Variants in UBE3A observed in about 807,000 individuals in gnomAD.
UBE3A encodes ubiquitin protein ligase E3A, also known as ubiquitin-protein ligase E3A.
A neutral mutation model predicts 83.4 loss-of-function variants in UBE3A; 6 were observed. That is an observed-to-expected ratio of 0.07 (90% confidence interval 0.04 to 0.14). The LOEUF is 0.14. Among genes scored for constraint, UBE3A ranks in the 10% least tolerant of loss-of-function variants. UBE3A has a pLI of 1.00. For synonymous variants in UBE3A, 337 were observed against 355.4 expected (o/e 0.95, Z 0.58); for missense variants, 456 against 1,036.1 (o/e 0.44, Z 7.69).
At chr15:25,347,138 G>T (rs2075809997) in intron 11 of UBE3A, 3 of 152,070 alleles carry the variant, frequency 2.0e-5, no homozygotes, top group Admixed American at 1.3e-4. Flanking sequence ...ATGGAATCTT[G>T]GAAAAAATAA....
At position 25,409,083 on chromosome 15, in the gene UBE3A, A is replaced by G. The variant is rs1473950589; in HGVS notation, c.20+5T>C. ...TTTAAAGGCTGTAAAATAATTCAAA[A>G]TTACCTTTTACAAGCTGTGGCCATT... is the stretch of plus-strand genomic sequence containing the variant. On this transcript the variant is annotated splice_donor_5th_base_variant and intron_variant, in intron 3 of 12. Transcript: ENST00000648336. 6.3e-7 allele frequency: 1 copy of G among 1,587,908 alleles called. No individual in the cohort carries two copies. The highest frequency in any genetic ancestry group is 1.7e-5 in the Admixed American group (1 of 57,362).
intron 6 of UBE3A, among the ~76,000 whole-genome samples, chr15:25,362,289 A>C (rs1352771141): frequency 1.3e-5 from 2 of 152,172 alleles, no homozygotes; most frequent in African/African-American, 2.4e-5. Flanking sequence ...TTGTTGTTCA[A>C]CACCGATCTC....
intron 8 of UBE3A, 152 bp downstream of exon 8, chr15:25,356,539 T>TTGG: frequency 2.6e-6 from 2 of 765,720 alleles, no homozygotes; most frequent in Middle Eastern, 3.9e-4. Context: ...TAAGTGTTTC[T>TTGG]GGTACTTCGG....
intron 1 of UBE3A, among the ~76,000 whole-genome samples, chr15:25,422,769 GT>G (rs1161494599): frequency 7.0e-6 from 1 of 142,516 alleles, no homozygotes; most frequent in Non-Finnish European, 1.5e-5. Context: ...GAGGCCAGAA[GT>G]TTGAGACCAG....
intron 11 of UBE3A, among the ~76,000 whole-genome samples, chr15:25,350,246 A>G (rs1433030110): frequency 6.6e-6 from 1 of 151,968 alleles, no homozygotes; most frequent in African/African-American, 2.4e-5. Flanking sequence ...GTTTATAACA[A>G]TCTGTAGTCA....
Position 25,433,472 on chromosome 15 carries a change from C to G in UBE3A, c.-165+5017G>C, listed in dbSNP as rs367966137. Among the ~76,000 whole-genome samples, 8 of 152,280 alleles carry G rather than the reference C, an allele frequency of 5.3e-5. 2 individuals are homozygous for G. Among genetic ancestry groups the G allele is most frequent in the African/African-American group, 1.7e-4 (7 of 41,562 alleles). Reference sequence around the variant, plus strand: ...AAGTGCTGGGATGACAGGCGTGAGCCATGGCACTTGGCCTCTAAAAAGCTC... The same window carrying G: ...AAGTGCTGGGATGACAGGCGTGAGCGATGGCACTTGGCCTCTAAAAAGCTC... On this transcript the variant is annotated intron_variant, in intron 1 of 12. Coordinates refer to ENST00000648336, the MANE Select transcript of UBE3A (RefSeq NM_130839.5).
At chr15:25,390,939 T>TAA (rs201795004) in intron 4 of UBE3A, among the ~76,000 whole-genome samples, 11 of 137,902 alleles carry the variant, frequency 8.0e-5, no homozygotes, top group African/African-American at 2.1e-4. Flanking sequence ...AGAACTCCTG[T>TAA]AAAAAAAAAA....
At chr15:25,360,622 C>T in intron 6 of UBE3A, 95 bp from the exon 7 acceptor site, 2 of 1,452,512 alleles carry the variant, frequency 1.4e-6, no homozygotes, top group South Asian at 1.3e-5. Flanking sequence ...GAAACAAATA[C>T]AAATTTTTGA....
rs150902863 is a variant in UBE3A at position 25,353,147 on chromosome 15, A to G, written c.2354+1206T>C. Among the ~76,000 whole-genome samples, 73 of 152,212 alleles carry G rather than the reference A, an allele frequency of 4.8e-4. 1 individual carries two copies. The highest frequency in any genetic ancestry group is 1.7e-3 in the African/African-American group (70 of 41,514). ...GGGGGGTTTTTCCTATCACCATGTT[A>G]TCCCAACCCTTTAATGAATCACCTT... On this transcript the variant is annotated intron_variant, in intron 11 of 12. Coordinates refer to ENST00000648336, the MANE Select transcript of UBE3A (RefSeq NM_130839.5).
intron 1 of UBE3A, among the ~76,000 whole-genome samples, chr15:25,428,498 T>C (rs974781351): frequency 6.6e-6 from 1 of 152,188 alleles, no homozygotes; most frequent in Non-Finnish European, 1.5e-5. Context: ...TTACTCTTAT[T>C]CTGGTAACTT....
chr15:25,342,123 C>A (rs1377154117), intron 11 of UBE3A, among the ~76,000 whole-genome samples: 1 of 151,924 alleles, frequency 6.6e-6, no homozygotes, highest in Non-Finnish European at 1.5e-5. Context: ...AGGAATCGGA[C>A]CCCAGTTCAT....
chr15:25,402,758 C>G (rs1384848369), intron 4 of UBE3A, among the ~76,000 whole-genome samples: 1 of 152,226 alleles, frequency 6.6e-6, no homozygotes, highest in Non-Finnish European at 1.5e-5. Context: ...TAATGTAAAA[C>G]TGTCCTTCTT....
At chr15:25,340,354 T>C (rs1329146248) in intron 11 of UBE3A, 126 bp from the exon 12 acceptor site, 4 of 1,151,732 alleles carry the variant, frequency 3.5e-6, no homozygotes, top group Non-Finnish European at 3.8e-6. Context: ...CAGGATAGTA[T>C]CACTTCTGGT....
In UBE3A at chr15:25,438,762, CGA is replaced by C. The variant is rs1895941957; in HGVS notation, c.-440_-439del. The C allele has an allele frequency of 1.3e-5, 2 of 152,534 alleles. No homozygotes were observed. The highest frequency in any genetic ancestry group is 4.8e-5 in the African/African-American group (2 of 41,578). 9.4% of individuals were successfully genotyped at this position (152,534 alleles called of 1,614,324 possible). The stretch of plus-strand genomic sequence containing the variant: ...AGGGGCTACAGGCCGCGAGCTATTC[CGA>C]GGAGGAGCCGAAGGAGGCGCCGCCG... On this transcript the variant is annotated 5_prime_UTR_variant, in exon 1 of 13. Transcript: ENST00000648336.
chr15:25,348,637 A>T (rs1203070782), intron 11 of UBE3A, among the ~76,000 whole-genome samples: 3 of 152,214 alleles, frequency 2.0e-5, no homozygotes, highest in African/African-American at 7.2e-5. Flanking sequence ...ATAGGATATA[A>T]GATCAATATA....
At chr15:25,350,347 C>A (rs890450212) in intron 11 of UBE3A, among the ~76,000 whole-genome samples, 1 of 150,736 alleles carries the variant, frequency 6.6e-6, no homozygotes, top group Non-Finnish European at 1.5e-5. Context: ...CCCTGCCCTG[C>A]ACCCGCCAAC....
At chr15:25,360,232 C>G in intron 7 of UBE3A, 151 bp downstream of exon 7, 1 of 978,036 alleles carries the variant, frequency 1.0e-6, no homozygotes, top group South Asian at 1.6e-5. Context: ...CTAAAACCTA[C>G]AAATTCAGTC....
rs1892908128 is a variant in UBE3A at position 25,430,176 on chromosome 15, TTATATATATAA to T, written c.-165+8302_-165+8312del. ...ACATATATATAAGATTATATATATA[TTATATATATAA>T]TACATATATATAAGATTATATATAT... On this transcript the variant is annotated intron_variant, in intron 1 of 12. Transcript: ENST00000648336. Among the ~76,000 whole-genome samples, 9 of 10,846 alleles carry T rather than the reference TTATATATATAA, an allele frequency of 8.3e-4. 1 individual carries two copies. Among genetic ancestry groups the T allele is most frequent in the Non-Finnish European group, 1.3e-3 (9 of 6,688 alleles). The allele number at this position is 10,846 out of a possible 152,430, so 7.1% of individuals were successfully genotyped here.
intron 11 of UBE3A, among the ~76,000 whole-genome samples, chr15:25,341,481 G>A (rs1170614623): frequency 6.6e-6 from 1 of 151,578 alleles, no homozygotes; most frequent in East Asian, 1.9e-4. Context: ...GTTCTTTCCA[G>A]AGCCAGGTGT....
Sources: gnomAD v4.1 joint callset for allele counts (sites outside exome capture counted in the v4.1 genomes callset) on GRCh38, gnomAD v4.1.1 for gene constraint, MANE v1.5 for transcripts, NCBI Gene and HGNC (gene_info 2026-07-23, HGNC 2026-07-21) for gene names.